Variants in CYFIP2 observed in about 807,000 individuals in gnomAD.
The protein encoded by CYFIP2 is cytoplasmic FMR1 interacting protein 2, also known as cytoplasmic FMR1-interacting protein 2.
In CYFIP2, 29 loss-of-function variants were observed where a neutral mutation model predicts 158.7. The ratio of observed to expected loss-of-function variants is 0.18; its 90% CI spans 0.14 to 0.25. CYFIP2 has a LOEUF of 0.25. CYFIP2 is among the 10% of genes least tolerant of loss of function. CYFIP2 has a pLI of 1.00. For synonymous variants in CYFIP2, 585 were observed against 617.6 expected (o/e 0.95, Z 0.78); for missense variants, 852 against 1,639.5 (o/e 0.52, Z 8.29).
At position 157,368,688 on chromosome 5, in the gene CYFIP2, A is replaced by C. The variant is rs370716650; in HGVS notation, c.3039+7090A>C. ...TGAAAAACAACCTGCTAGTGTGAAC[A>C]TATCAGGACTTGGGAAAAAATGGTC... On this transcript the variant is annotated intron_variant, in intron 26 of 30. Transcript: ENST00000620254. 1.5e-3 allele frequency among the ~76,000 whole-genome samples: 230 copies of C among 151,614 alleles called. 3 individuals carry two copies. The South Asian group carries it at 0.034, about 22-fold the overall frequency.
intron 10 of CYFIP2, among the ~76,000 whole-genome samples, chr5:157,310,305 G>C (rs1759601688): frequency 6.6e-6 from 1 of 152,200 alleles, no homozygotes; most frequent in Non-Finnish European, 1.5e-5. Context: ...CAAAGGCCTG[G>C]GGTGTCAGTG....
intron 28 of CYFIP2, chr5:157,384,471 G>C (rs1408208107): frequency 2.2e-6 from 1 of 456,854 alleles, no homozygotes; most frequent in South Asian, 1.5e-5. Context: ...CTCACCAAGG[G>C]CAAAAGGACT....
chr5:157,315,113 C>T lies in CYFIP2; in HGVS notation c.1356+19C>T, dbSNP rs1760031716. On this transcript the variant is annotated intron_variant, in intron 13 of 30. Coordinates refer to ENST00000620254, the MANE Select transcript of CYFIP2 (RefSeq NM_001037333.3). ...CGTTGAGGTAGGTGCAGACTCCCTG[C>T]ATCTCCCTCCCTCCCCAAGGCTGCA... is the stretch of plus-strand genomic sequence containing the variant. 6.2e-7 allele frequency: 1 copy of T among 1,612,836 alleles called. No homozygotes were observed. Among genetic ancestry groups the T allele is most frequent in the East Asian group, 2.2e-5 (1 of 44,882 alleles).
At chr5:157,298,798 A>G (rs1758463762) in intron 5 of CYFIP2, among the ~76,000 whole-genome samples, 1 of 152,140 alleles carries the variant, frequency 6.6e-6, no homozygotes, top group South Asian at 2.1e-4. Context: ...TGGACATTTC[A>G]TATAAACTGA....
At chr5:157,352,848 C>T (rs1013741493) in intron 23 of CYFIP2, among the ~76,000 whole-genome samples, 3 of 152,024 alleles carry the variant, frequency 2.0e-5, no homozygotes, top group South Asian at 2.1e-4. Context: ...TACATGCTAT[C>T]GTAAGTGTCA....
intron 23 of CYFIP2, among the ~76,000 whole-genome samples, chr5:157,347,553 G>A (rs1216689302): frequency 6.6e-6 from 1 of 152,206 alleles, no homozygotes; most frequent in East Asian, 1.9e-4. Flanking sequence ...TCCCCACGGA[G>A]CATAAAAGCA....
chr5:157,294,924 C>A, intron 4 of CYFIP2, 64 bp downstream of exon 4: 1 of 1,349,098 alleles, frequency 7.4e-7, no homozygotes, highest in Non-Finnish European at 1.0e-6. Flanking sequence ...CCTACTTCAT[C>A]CCCAAACCAG....
At chr5:157,341,761 G>C (rs761546922) in intron 23 of CYFIP2, 1 of 155,722 alleles carries the variant, frequency 6.4e-6, no homozygotes, top group South Asian at 2.0e-4. Flanking sequence ...CTGCAGTGTC[G>C]TCCTGTGATT....
In CYFIP2 at chr5:157,393,055, A is replaced by G; in HGVS notation, c.*55A>G. 2 of 1,584,138 alleles carry G rather than the reference A, an allele frequency of 1.3e-6. No individual in the cohort carries two copies. ...GGAGGAAGAGAAGCAGGAGAGAGAAAGCCACAGCCAGCCTGCCATAGGATC... is the reference window on the plus strand; with the variant it reads ...GGAGGAAGAGAAGCAGGAGAGAGAAGGCCACAGCCAGCCTGCCATAGGATC... On this transcript the variant is annotated 3_prime_UTR_variant, in exon 31 of 31. Transcript: ENST00000620254.
chr5:157,361,371 C>G lies in CYFIP2; in HGVS notation c.2909-97C>G. ...ATGCGTGGTTTGGCTTTTTGCTATC[C>G]CAGAGTCAGGTCTGGGGCTGCCACT... On this transcript the variant is annotated intron_variant, in intron 25 of 30. Transcript: ENST00000620254. The surrounding 1 kb of genome is among the most constrained non-coding windows in gnomAD (Gnocchi z 4.4). 1 of 1,545,720 alleles carries G rather than the reference C, an allele frequency of 6.5e-7. No homozygotes were observed. The highest frequency in any genetic ancestry group is 8.8e-7 in the Non-Finnish European group (1 of 1,132,428).
intron 3 of CYFIP2, chr5:157,288,718 G>T: frequency 2.3e-6 from 1 of 439,884 alleles, no homozygotes; most frequent in Non-Finnish European, 4.6e-6. Context: ...CAAAAAAATT[G>T]CATAACTTAC....
chr5:157,346,192 T>A (rs933020026), intron 23 of CYFIP2, among the ~76,000 whole-genome samples: 4 of 152,132 alleles, frequency 2.6e-5, no homozygotes, highest in Non-Finnish European at 5.9e-5. Flanking sequence ...TTGGGCTACA[T>A]CAGGATGGCA....
chr5:157,339,810 G>T (rs1314496579), intron 22 of CYFIP2, among the ~76,000 whole-genome samples: 1 of 152,350 alleles, frequency 6.6e-6, no homozygotes, highest in Non-Finnish European at 1.5e-5. Context: ...GGCAGGAGAA[G>T]AATATTCCAG....
At chr5:157,292,764 C>T (rs1277613719) in intron 3 of CYFIP2, among the ~76,000 whole-genome samples, 1 of 152,140 alleles carries the variant, frequency 6.6e-6, no homozygotes, top group Non-Finnish European at 1.5e-5. Context: ...TATACACATA[C>T]CCAAGAATTA....
intron 23 of CYFIP2, among the ~76,000 whole-genome samples, chr5:157,345,164 C>T (rs1762585861): frequency 6.6e-6 from 1 of 152,206 alleles, no homozygotes; most frequent in South Asian, 2.1e-4. Flanking sequence ...CCACACATCA[C>T]TATAAATACA....
At chr5:157,374,645 C>G (rs76309319) in intron 26 of CYFIP2, among the ~76,000 whole-genome samples, 1,895 of 152,294 alleles carry the variant, frequency 0.012, 56 homozygotes, top group African/African-American at 0.041. Flanking sequence ...ATGCCCACTT[C>G]CACCTGGTCA....
At chr5:157,269,859 T>C (rs1324894874) in intron 1 of CYFIP2, among the ~76,000 whole-genome samples, 1 of 152,220 alleles carries the variant, frequency 6.6e-6, no homozygotes, top group Non-Finnish European at 1.5e-5. Context: ...TCAGTGGGTA[T>C]GGGACGCCTC....
intron 15 of CYFIP2, among the ~76,000 whole-genome samples, chr5:157,322,526 T>C (rs763876554): frequency 2.0e-5 from 3 of 152,250 alleles, no homozygotes; most frequent in Non-Finnish European, 4.4e-5. Context: ...CTTTGAGGAC[T>C]TGAGAGGCCG....
intron 20 of CYFIP2, among the ~76,000 whole-genome samples, chr5:157,331,590 A>G (rs1459796628): frequency 6.6e-6 from 1 of 152,056 alleles, no homozygotes; most frequent in African/African-American, 2.4e-5. Flanking sequence ...TCCCATTACT[A>G]TGAGAAATCC....
Sources: allele counts gnomAD v4.1 joint callset (sites outside exome capture counted in the v4.1 genomes callset), GRCh38; gene constraint gnomAD v4.1.1; non-coding constraint Gnocchi (gnomAD v3.1); transcripts MANE v1.5; gene names NCBI Gene and HGNC (gene_info 2026-07-23, HGNC 2026-07-21).